Variants in GSTCD observed in about 807,000 individuals in gnomAD.
GSTCD encodes glutathione S-transferase C-terminal domain containing.
In GSTCD, 44 loss-of-function variants were observed where a neutral mutation model predicts 68.3. The observed-to-expected ratio is 0.64, with a 90% confidence interval of 0.51 to 0.83. GSTCD has a LOEUF of 0.83. GSTCD is among the 40% of genes least tolerant of loss of function. The pLI, the probability that GSTCD is intolerant of heterozygous loss-of-function variation, is 0.00. For synonymous variants in GSTCD, 273 were observed against 255.2 expected, an observed-to-expected ratio of 1.07 and a Z score of -0.67; for missense variants, 739 against 735.9, an observed-to-expected ratio of 1.00 and a Z score of -0.05.
intron 5 of GSTCD, among the ~76,000 whole-genome samples, chr4:105,796,535 A>C (rs1157353198): frequency 6.6e-6 from 1 of 152,058 alleles, no homozygotes; most frequent in Non-Finnish European, 1.5e-5. Context: ...CAAATACAAC[A>C]TTTGCCAGGT....
At chr4:105,786,150 T>TG in intron 5 of GSTCD, among the ~76,000 whole-genome samples, 1 of 152,300 alleles carries the variant, frequency 6.6e-6, no homozygotes, top group East Asian at 1.9e-4. Flanking sequence ...TACAAAGCCT[T>TG]CTAAGAATGA....
intron 5 of GSTCD, among the ~76,000 whole-genome samples, chr4:105,787,477 G>A (rs1320217695): frequency 4.6e-5 from 7 of 152,054 alleles, no homozygotes; most frequent in Middle Eastern, 3.2e-3. Flanking sequence ...CAGAATTTGC[G>A]TTAACAGTGA....
intron 5 of GSTCD, among the ~76,000 whole-genome samples, chr4:105,794,677 A>G (rs1735801589): frequency 6.6e-6 from 1 of 151,748 alleles, no homozygotes; most frequent in Non-Finnish European, 1.5e-5. Context: ...GGCCTATAAA[A>G]TGTCTTCTAT....
At chr4:105,720,889 T>C (rs1489388932) in intron 3 of GSTCD, among the ~76,000 whole-genome samples, 1 of 152,204 alleles carries the variant, frequency 6.6e-6, no homozygotes, top group African/African-American at 2.4e-5. Flanking sequence ...CATTCCTTTA[T>C]TGAAGAAATT....
At chr4:105,797,046 A>ATGTGTGTGTG (rs201988913) in intron 5 of GSTCD, among the ~76,000 whole-genome samples, 103 of 145,614 alleles carry the variant, frequency 7.1e-4, no homozygotes, top group African/African-American at 8.9e-4. Flanking sequence ...ACAGAGATAC[A>ATGTGTGTGTG]TGTGTGTGTG....
At chr4:105,773,428 C>G (rs1272847116) in intron 5 of GSTCD, among the ~76,000 whole-genome samples, 1 of 152,098 alleles carries the variant, frequency 6.6e-6, no homozygotes, top group Non-Finnish European at 1.5e-5. Context: ...TCTTGCTTCT[C>G]TAGTTCTTTT....
At chr4:105,828,995 T>C (rs532593969) in intron 8 of GSTCD, among the ~76,000 whole-genome samples, 1 of 152,122 alleles carries the variant, frequency 6.6e-6, no homozygotes, top group South Asian at 2.1e-4. Context: ...AATGGTGATG[T>C]GCCATACCAA....
chr4:105,753,840 G>A (rs560488301), intron 5 of GSTCD, among the ~76,000 whole-genome samples: 1 of 151,984 alleles, frequency 6.6e-6, no homozygotes, highest in South Asian at 2.1e-4. Flanking sequence ...TTGTACATCT[G>A]CAAAAAGGCA....
At chr4:105,743,532 A>C (rs904862453) in intron 5 of GSTCD, among the ~76,000 whole-genome samples, 7 of 152,162 alleles carry the variant, frequency 4.6e-5, no homozygotes, top group South Asian at 2.1e-4. Context: ...TTTGAAGAAA[A>C]GAGAACTGAG....
At chr4:105,789,983 A>G (rs916920218) in intron 5 of GSTCD, among the ~76,000 whole-genome samples, 3 of 152,006 alleles carry the variant, frequency 2.0e-5, no homozygotes, top group Non-Finnish European at 4.4e-5. Context: ...GAGAGGATAA[A>G]TTACTTTTAA....
At chr4:105,842,696 G>C (rs1560858448) in intron 11 of GSTCD, among the ~76,000 whole-genome samples, 1 of 152,180 alleles carries the variant, frequency 6.6e-6, no homozygotes, top group Non-Finnish European at 1.5e-5. Flanking sequence ...AATAATAGCA[G>C]TTAATAGTTA....
chr4:105,768,071 T>C (rs2149241119), intron 5 of GSTCD, among the ~76,000 whole-genome samples: 1 of 151,774 alleles, frequency 6.6e-6, no homozygotes, highest in African/African-American at 2.4e-5. Flanking sequence ...AGTCTCTCCC[T>C]GTCTCCCAGG....
intron 5 of GSTCD, among the ~76,000 whole-genome samples, chr4:105,791,286 G>T (rs957574370): frequency 6.6e-6 from 1 of 151,440 alleles, no homozygotes; most frequent in African/African-American, 2.4e-5. Context: ...CCAGCTACTC[G>T]GGAGGCTGAG....
Position 105,776,807 on chromosome 4 carries a change from G to A in GSTCD, c.1241-46147G>A, listed in dbSNP as rs909777754. 3.9e-5 allele frequency among the ~76,000 whole-genome samples: 6 copies of A among 152,142 alleles called. No individual in the cohort carries two copies. The South Asian group carries it at 6.2e-4, about 16-fold the overall frequency. ...GGCCAGCTTGCCAGCCTGATACTCC[G>A]TACATTCTTAAAGATTCTAACTTTA... On this transcript the variant is annotated intron_variant, in intron 5 of 11. Transcript: ENST00000515279.
intron 5 of GSTCD, among the ~76,000 whole-genome samples, chr4:105,732,849 C>A (rs1733302017): frequency 6.6e-6 from 1 of 152,176 alleles, no homozygotes; most frequent in African/African-American, 2.4e-5. Flanking sequence ...TTTCCCTCTA[C>A]ACACTGCTTT....
At chr4:105,733,095 G>A (rs1281462287) in intron 5 of GSTCD, among the ~76,000 whole-genome samples, 26 of 152,278 alleles carry the variant, frequency 1.7e-4, no homozygotes, top group South Asian at 4.1e-4. Flanking sequence ...GCTGAGGAGT[G>A]CTTTACTTCC....
At chr4:105,763,105 C>T (rs1734475841) in intron 5 of GSTCD, among the ~76,000 whole-genome samples, 1 of 152,088 alleles carries the variant, frequency 6.6e-6, no homozygotes, top group Non-Finnish European at 1.5e-5. Context: ...TTGTAAATGG[C>T]TCATCAACTT....
At chr4:105,773,493 T>C (rs1432811939) in intron 5 of GSTCD, among the ~76,000 whole-genome samples, 2 of 152,218 alleles carry the variant, frequency 1.3e-5, no homozygotes, top group African/African-American at 2.4e-5. Context: ...CCTGTGGACA[T>C]TTAGTGCTAT....
intron 5 of GSTCD, chr4:105,762,019 C>G (rs1734429873): frequency 6.6e-6 from 1 of 152,196 alleles, no homozygotes; most frequent in Non-Finnish European, 1.5e-5. Context: ...TTTTGAGTGA[C>G]ACAGCAACAC....
Sources: allele counts gnomAD v4.1 joint callset (sites outside exome capture counted in the v4.1 genomes callset), GRCh38; gene constraint gnomAD v4.1.1; transcripts MANE v1.5; gene names NCBI Gene and HGNC (gene_info 2026-07-23, HGNC 2026-07-21).